Variants in DLGAP2 observed in about 807,000 individuals in gnomAD.
DLGAP2 encodes the protein DLG associated protein 2.
In DLGAP2, 26 loss-of-function variants were observed where a neutral mutation model predicts 100.3. The observed-to-expected ratio is 0.26, with a 90% CI of 0.19 to 0.36. The LOEUF (loss-of-function observed/expected upper bound fraction) is 0.36, where lower values mean the gene tolerates loss of function less well. Ranked by LOEUF, DLGAP2 falls within the 10% of genes least tolerant of loss-of-function variation. The probability of loss-of-function intolerance (pLI) is 1.00; values close to 1 mark genes in which losing one functional copy is unlikely to be tolerated. For synonymous variants in DLGAP2, 886 were observed against 630.1 expected (o/e 1.41, Z -6.08); for missense variants, 1,858 against 1,453.2 (o/e 1.28, Z -4.53).
At chr8:1,575,152 T>C (rs1802913781) in intron 6 of DLGAP2, among the ~76,000 whole-genome samples, 1 of 152,182 alleles carries the variant, frequency 6.6e-6, no homozygotes, top group South Asian at 2.1e-4. Context: ...CCACACCGTA[T>C]CTGCTGCATT....
At chr8:1,446,173 A>G (rs1192617188) in intron 3 of DLGAP2, among the ~76,000 whole-genome samples, 1 of 152,018 alleles carries the variant, frequency 6.6e-6, no homozygotes, top group East Asian at 1.9e-4. Flanking sequence ...GCCCATGCCT[A>G]TGTCCTGAAT....
At chr8:1,689,882 T>TA (rs1418828393) in intron 12 of DLGAP2, among the ~76,000 whole-genome samples, 3 of 152,208 alleles carry the variant, frequency 2.0e-5, no homozygotes, top group African/African-American at 7.2e-5. Context: ...GGGCACGCTC[T>TA]ATGGAAGAAC....
intron 2 of DLGAP2, among the ~76,000 whole-genome samples, chr8:996,031 C>T (rs984392545): frequency 6.6e-6 from 1 of 152,182 alleles, no homozygotes; most frequent in East Asian, 1.9e-4. Context: ...AGGCCATTGT[C>T]AGTTACTTAT....
At chr8:1,140,909 G>C (rs1408814861) in intron 2 of DLGAP2, among the ~76,000 whole-genome samples, 1 of 152,224 alleles carries the variant, frequency 6.6e-6, no homozygotes, top group Non-Finnish European at 1.5e-5. Flanking sequence ...GCTTGAACCG[G>C]GGGGTGGAGG....
chr8:1,626,688 C>A, intron 6 of DLGAP2, 52 bp from the exon 7 acceptor site: 1 of 1,554,296 alleles, frequency 6.4e-7, no homozygotes. Context: ...CCCACCTCTG[C>A]CCTGCAGCGG....
At chr8:1,180,661 C>T (rs563981929) in intron 2 of DLGAP2, among the ~76,000 whole-genome samples, 11 of 148,640 alleles carry the variant, frequency 7.4e-5, no homozygotes, top group South Asian at 2.2e-4. Context: ...GTATGCTTAC[C>T]GTCGACTGGG....
intron 4 of DLGAP2, among the ~76,000 whole-genome samples, chr8:1,545,171 C>G (rs568389701): frequency 2.6e-5 from 4 of 152,232 alleles, no homozygotes; most frequent in African/African-American, 9.6e-5. Context: ...GCATTCCTGC[C>G]TATTCTAGTC....
chr8:809,826 T>G (rs1317995197), intron 1 of DLGAP2, among the ~76,000 whole-genome samples: 1 of 152,196 alleles, frequency 6.6e-6, no homozygotes, highest in Admixed American at 6.5e-5. Context: ...TCTGTTTCTT[T>G]GTCCCTCACT....
chr8:903,704 G>C (rs1798312752), intron 1 of DLGAP2, among the ~76,000 whole-genome samples: 1 of 152,140 alleles, frequency 6.6e-6, no homozygotes, highest in South Asian at 2.1e-4. Flanking sequence ...CCGCACCCCG[G>C]TGATGTTATG....
intron 1 of DLGAP2, among the ~76,000 whole-genome samples, chr8:849,792 G>A (rs1210143451): frequency 6.6e-6 from 1 of 152,072 alleles, no homozygotes; most frequent in East Asian, 1.9e-4. Context: ...AAAAAAGCTA[G>A]GTTGCCCGGG....
chr8:1,698,634 C>T (rs572479256), intron 14 of DLGAP2, among the ~76,000 whole-genome samples: 39 of 149,494 alleles, frequency 2.6e-4, no homozygotes, highest in African/African-American at 9.8e-4. Flanking sequence ...CTGCATGGGA[C>T]TAGACAGGTC....
At chr8:837,532 C>A (rs932892877) in intron 1 of DLGAP2, among the ~76,000 whole-genome samples, 1 of 151,956 alleles carries the variant, frequency 6.6e-6, no homozygotes, top group South Asian at 2.1e-4. Flanking sequence ...TAGTAAGTAG[C>A]GGTGCAGACG....
intron 2 of DLGAP2, among the ~76,000 whole-genome samples, chr8:1,157,823 C>T (rs1314935311): frequency 2.6e-5 from 4 of 152,212 alleles, no homozygotes; most frequent in South Asian, 2.1e-4. Context: ...GCGATGAGGG[C>T]ACTTCCCATT....
chr8:1,157,809 G>A (rs948782390), intron 2 of DLGAP2, among the ~76,000 whole-genome samples: 5 of 152,222 alleles, frequency 3.3e-5, no homozygotes, highest in African/African-American at 1.2e-4. Flanking sequence ...GGGATCGGAG[G>A]GAGGCGATGA....
chr8:879,925 T>A (rs897725791), intron 1 of DLGAP2, among the ~76,000 whole-genome samples: 1 of 152,214 alleles, frequency 6.6e-6, no homozygotes, highest in South Asian at 2.1e-4. Context: ...TCCTCCCTAA[T>A]GGAATTTTAT....
chr8:1,003,768 G>C (rs1056034886), intron 2 of DLGAP2, among the ~76,000 whole-genome samples: 3 of 152,186 alleles, frequency 2.0e-5, no homozygotes. Context: ...CATGAGACCT[G>C]TCCAGCACCT....
intron 2 of DLGAP2, among the ~76,000 whole-genome samples, chr8:1,153,565 A>G (rs1390600360): frequency 1.3e-5 from 2 of 152,202 alleles, no homozygotes; most frequent in African/African-American, 4.8e-5. Context: ...ACCTGTTTTT[A>G]TCCTCTTTTT....
At chr8:1,516,639 GTGAGTGAGTGACTGAGTGAA>G (rs200692203) in intron 4 of DLGAP2, among the ~76,000 whole-genome samples, 3 of 147,198 alleles carry the variant, frequency 2.0e-5, no homozygotes, top group East Asian at 2.0e-4. Flanking sequence ...GAGTGAATGA[GTGAGTGAGTGACTGAGTGAA>G]TGAGTGGGTG....
At chr8:1,458,352 A>G (rs1174709303) in intron 3 of DLGAP2, among the ~76,000 whole-genome samples, 1 of 152,226 alleles carries the variant, frequency 6.6e-6, no homozygotes, top group Non-Finnish European at 1.5e-5. Flanking sequence ...GTAAGGATAA[A>G]ACCTTTTACT....
Sources: allele counts gnomAD v4.1 joint callset (sites outside exome capture counted in the v4.1 genomes callset), GRCh38; gene constraint gnomAD v4.1.1; transcripts MANE v1.5; gene names NCBI Gene and HGNC (gene_info 2026-07-23, HGNC 2026-07-21).